Variants in HDHD5 observed in about 807,000 individuals in gnomAD.
The protein encoded by HDHD5 is haloacid dehalogenase-like hydrolase domain-containing 5.
Under a neutral mutation model 35.5 loss-of-function variants are expected in HDHD5, and 34 were observed. That is an observed-to-expected ratio of 0.96 (90% CI 0.73 to 1.28). HDHD5 has a LOEUF of 1.28. Ranked by LOEUF, HDHD5 falls within the 50% of genes most tolerant of loss-of-function variation. The pLI is 0.00. For missense variants in HDHD5, 589 were observed against 560.2 expected, an observed-to-expected ratio of 1.05 and a Z score of -0.52; for synonymous variants, 248 against 240.6, an observed-to-expected ratio of 1.03 and a Z score of -0.29.
upstream of HDHD5, among the ~76,000 whole-genome samples, chr22:17,161,609 C>G (rs2061864413): frequency 6.6e-6 from 1 of 151,306 alleles, no homozygotes; most frequent in Admixed American, 6.6e-5. Context: ...TGGTTCATGC[C>G]TGTAATCCCA....
intron 1 of HDHD5, among the ~76,000 whole-genome samples, chr22:17,156,636 C>T (rs2061795008): frequency 6.6e-6 from 1 of 152,020 alleles, no homozygotes; most frequent in Non-Finnish European, 1.5e-5. Context: ...ATTAGCCAGG[C>T]GTGGTGGCAG....
Position 17,137,960 on chromosome 22 carries a change from C to A in HDHD5, c.*61G>T, listed in dbSNP as rs927931882. The A allele has an allele frequency of 7.2e-5, 104 of 1,443,132 alleles. No homozygotes were observed. Among genetic ancestry groups the A allele is most frequent in the Non-Finnish European group, 9.7e-5 (102 of 1,052,520 alleles). 89.4% of individuals were successfully genotyped at this position (1,443,132 alleles called of 1,614,324 possible). On this transcript the variant is annotated 3_prime_UTR_variant, in exon 8 of 8. Coordinates refer to ENST00000336737, the MANE Select transcript of HDHD5 (RefSeq NM_033070.3). ...CCTGAGCCCAGTGATCAGGCCAGAG[C>A]CCAGCCAATGGGACTCGCCCACAGG...
At position 17,138,432 on chromosome 22, in the gene HDHD5, A is replaced by G. The variant is rs150776836; in HGVS notation, c.936-75T>C. 38 of 1,561,360 alleles carry G rather than the reference A, an allele frequency of 2.4e-5. No homozygotes were observed. The African/African-American group carries it at 4.2e-4, about 17-fold the overall frequency. ...ATCAATGTTGCAAAGCAAAGGGAGC[A>G]GAGAAGAGTTTCGGGGCAGAAGAGT... On this transcript the variant is annotated intron_variant, in intron 7 of 7. Coordinates refer to ENST00000336737, the MANE Select transcript of HDHD5 (RefSeq NM_033070.3).
At chr22:17,161,416 A>G (rs914109972), upstream of HDHD5, among the ~76,000 whole-genome samples, 12 of 151,520 alleles carry the variant, frequency 7.9e-5, no homozygotes, top group Non-Finnish European at 1.3e-4. Context: ...AAAATTAGCC[A>G]GGCATGGTGG....
At position 17,156,876 on chromosome 22, in the gene HDHD5, G is replaced by A. The variant is rs557568480; in HGVS notation, c.126+2250C>T. On this transcript the variant is annotated intron_variant, in intron 1 of 7. Coordinates refer to ENST00000336737, the MANE Select transcript of HDHD5 (RefSeq NM_033070.3). ...AGGCGGATCATGAGGTCAGGAGTTCGAGACCAGCCTGGCCAACACAGTGAA... is the reference window on the plus strand; with the variant it reads ...AGGCGGATCATGAGGTCAGGAGTTCAAGACCAGCCTGGCCAACACAGTGAA... Among the ~76,000 whole-genome samples, 7 of 151,412 alleles carry A rather than the reference G, an allele frequency of 4.6e-5. No individual in the cohort carries two copies. In the South Asian group the frequency reaches 8.3e-4, roughly 18 times the overall value.
At chr22:17,151,675 A>C (rs1385900933) in intron 1 of HDHD5, among the ~76,000 whole-genome samples, 1 of 146,114 alleles carries the variant, frequency 6.8e-6, no homozygotes, top group South Asian at 2.2e-4. Context: ...GGATGCAGTG[A>C]GCCGGGATCG....
chr22:17,156,884 C>A (rs1251196460), intron 1 of HDHD5, among the ~76,000 whole-genome samples: 1 of 151,524 alleles, frequency 6.6e-6, no homozygotes, highest in Non-Finnish European at 1.5e-5. Flanking sequence ...TCGAGACCAG[C>A]CTGGCCAACA....
intron 3 of HDHD5, among the ~76,000 whole-genome samples, chr22:17,147,743 C>T (rs1313386907): frequency 3.4e-5 from 5 of 145,332 alleles, no homozygotes; most frequent in African/African-American, 5.1e-5. Context: ...GTGAGCTTAC[C>T]GGCCTTCGAT....
At chr22:17,151,125 T>C (rs1424853695) in intron 1 of HDHD5, among the ~76,000 whole-genome samples, 1 of 152,248 alleles carries the variant, frequency 6.6e-6, no homozygotes, top group Non-Finnish European at 1.5e-5. Flanking sequence ...ACTGGCAACG[T>C]ACTTTACCCT....
At chr22:17,152,371 CA>C (rs67673258) in intron 1 of HDHD5, among the ~76,000 whole-genome samples, 3,663 of 152,106 alleles carry the variant, frequency 0.024, 138 homozygotes, top group African/African-American at 0.084. Context: ...GAATGGAGAT[CA>C]GGGGGCATTA....
In HDHD5 at chr22:17,153,345, G is replaced by A. The variant is rs1484766579; in HGVS notation, c.127-3600C>T. Among the ~76,000 whole-genome samples, 3 of 152,208 alleles carry A rather than the reference G, an allele frequency of 2.0e-5. No homozygotes were observed. In the East Asian group the frequency reaches 5.8e-4, roughly 29 times the overall value. ...AGCAAGGGTCACCCAGTTCACAAGT[G>A]CTGGATTCAGGATTCAGTCTCAAAT... On this transcript the variant is annotated intron_variant, in intron 1 of 7. Transcript: ENST00000336737.
chr22:17,149,058 G>A (rs1279966902), intron 2 of HDHD5, among the ~76,000 whole-genome samples: 2 of 152,188 alleles, frequency 1.3e-5, no homozygotes, highest in Non-Finnish European at 2.9e-5. Flanking sequence ...CATTTTACAT[G>A]CAACTTTGAG....
intron 1 of HDHD5, among the ~76,000 whole-genome samples, chr22:17,154,612 TTTTC>T (rs2061763859): frequency 9.8e-6 from 1 of 102,442 alleles, no homozygotes; most frequent in Admixed American, 1.3e-4. Context: ...AATGTCCTTA[TTTTC>T]TTTTTTTTTT....
intron 1 of HDHD5, among the ~76,000 whole-genome samples, chr22:17,155,334 C>T (rs1249012390): frequency 5.3e-5 from 8 of 151,714 alleles, no homozygotes; most frequent in Non-Finnish European, 8.8e-5. Context: ...CAACCTCTGC[C>T]TCCTGGGTTC....
chr22:17,162,585 C>T (rs1052040753), upstream of HDHD5, among the ~76,000 whole-genome samples: 15 of 152,018 alleles, frequency 9.9e-5, no homozygotes, highest in African/African-American at 3.6e-4. Flanking sequence ...CTGTTTGTTT[C>T]GGGGAAAGAT....
chr22:17,161,294 C>T (rs1437174019), upstream of HDHD5, among the ~76,000 whole-genome samples: 1 of 150,684 alleles, frequency 6.6e-6, no homozygotes, highest in Non-Finnish European at 1.5e-5. Context: ...CACAGTGGCT[C>T]ATGCCTGTAA....
Position 17,138,161 on chromosome 22 carries a change from G to C in HDHD5, c.1132C>G (p.Leu378Val). 1.9e-6 allele frequency: 3 copies of C among 1,614,142 alleles called. No individual in the cohort carries two copies. The highest frequency in any genetic ancestry group is 2.5e-6 in the Non-Finnish European group (3 of 1,179,978). Reference protein sequence around the residue: ...PRNPQSTEPVLGGGEPPFHGH... With the variant: ...PRNPQSTEPVVGGGEPPFHGH... Reference sequence around the variant, plus strand: ...TGGAATGGAGGCTCCCCTCCTCCAAGGACAGGCTCCGTGGACTGTGGGTTC... The same window carrying C: ...TGGAATGGAGGCTCCCCTCCTCCAACGACAGGCTCCGTGGACTGTGGGTTC... Residue 378 changes from leucine (L) to valine (V), a missense_variant, in exon 8 of 8, where the codon CTT becomes GTT. Leu to Val is a conservative substitution (Grantham distance 32, BLOSUM62 1). Transcript: ENST00000336737.
intron 1 of HDHD5, among the ~76,000 whole-genome samples, chr22:17,156,589 A>C (rs2061794249): frequency 6.6e-6 from 1 of 152,210 alleles, no homozygotes; most frequent in South Asian, 2.1e-4. Context: ...ATCTTGGCTA[A>C]CACAGTGAAA....
intron 1 of HDHD5, among the ~76,000 whole-genome samples, chr22:17,155,757 A>G (rs1330322086): frequency 3.3e-5 from 5 of 152,218 alleles, no homozygotes; most frequent in African/African-American, 1.2e-4. Context: ...CTAATGCAAG[A>G]TGGTAATACA....
Sources: gnomAD v4.1 joint callset for allele counts (sites outside exome capture counted in the v4.1 genomes callset) on GRCh38, gnomAD v4.1.1 for gene constraint, MANE v1.5 for transcripts, NCBI Gene and HGNC (gene_info 2026-07-23, HGNC 2026-07-21) for gene names.